FIGN: variants seen among roughly 807,000 people sequenced by gnomAD.
FIGN encodes fidgetin, microtubule severing factor, also known as fidgetin.
Under a neutral mutation model 51.3 loss-of-function variants are expected in FIGN, and 11 were observed. The observed-to-expected ratio is 0.21, with a 90% CI of 0.13 to 0.35. The LOEUF (loss-of-function observed/expected upper bound fraction) is 0.35, where lower values mean the gene tolerates loss of function less well. Ranked by LOEUF, FIGN falls within the 10% of genes least tolerant of loss-of-function variation. FIGN has a pLI of 1.00. For missense variants in FIGN, 857 were observed against 943.6 expected, an observed-to-expected ratio of 0.91 and a Z score of 1.20; for synonymous variants, 407 against 363.2, an observed-to-expected ratio of 1.12 and a Z score of -1.37.
chr2:163,699,479 T>C (rs1684374387), intron 2 of FIGN, among the ~76,000 whole-genome samples: 2 of 137,460 alleles, frequency 1.5e-5, no homozygotes, highest in Non-Finnish European at 3.1e-5. Flanking sequence ...AATTTTAGGT[T>C]AGTGTATTTT....
intron 2 of FIGN, among the ~76,000 whole-genome samples, chr2:163,676,117 T>G (rs1426009451): frequency 4.6e-5 from 7 of 151,644 alleles, no homozygotes; most frequent in Non-Finnish European, 1.0e-4. Context: ...GACTTAAGTC[T>G]GAATCCGTAA....
chr2:163,716,254 A>T (rs893810004), intron 2 of FIGN, among the ~76,000 whole-genome samples: 1 of 152,234 alleles, frequency 6.6e-6, no homozygotes, highest in Non-Finnish European at 1.5e-5. Context: ...ATCTTCCACA[A>T]GTCCAGATTA....
At chr2:163,719,512 C>T (rs1018172282) in intron 2 of FIGN, among the ~76,000 whole-genome samples, 2 of 152,188 alleles carry the variant, frequency 1.3e-5, no homozygotes, top group Non-Finnish European at 2.9e-5. Flanking sequence ...TCCAAAGGAA[C>T]GCTCTAGTGC....
At chr2:163,675,841 A>AAT (rs1369600409) in intron 2 of FIGN, among the ~76,000 whole-genome samples, 5 of 147,124 alleles carry the variant, frequency 3.4e-5, no homozygotes, top group East Asian at 2.0e-4. Context: ...CATCATATAT[A>AAT]ATATATATAT....
At chr2:163,669,821 T>C (rs531565371) in intron 2 of FIGN, among the ~76,000 whole-genome samples, 1 of 152,320 alleles carries the variant, frequency 6.6e-6, no homozygotes, top group Non-Finnish European at 1.5e-5. Flanking sequence ...ATAAAATTCT[T>C]TATTCTCTTC....
At chr2:163,697,081 A>AT (rs1217357516) in intron 2 of FIGN, among the ~76,000 whole-genome samples, 1 of 139,762 alleles carries the variant, frequency 7.2e-6, no homozygotes, top group African/African-American at 2.7e-5. Flanking sequence ...TTGTGTCATA[A>AT]TTTTTTTTCT....
chr2:163,672,794 C>T (rs1263457415), intron 2 of FIGN, among the ~76,000 whole-genome samples: 1 of 152,136 alleles, frequency 6.6e-6, no homozygotes, highest in Non-Finnish European at 1.5e-5. Flanking sequence ...GGTGCAGAGT[C>T]CTTAGTTCAG....
intron 2 of FIGN, among the ~76,000 whole-genome samples, chr2:163,705,341 A>C (rs1002991315): frequency 2.0e-5 from 3 of 152,152 alleles, no homozygotes; most frequent in Non-Finnish European, 4.4e-5. Context: ...CCATGTTCTT[A>C]AAAATTTTCA....
chr2:163,691,883 A>G (rs1461300495), intron 2 of FIGN, among the ~76,000 whole-genome samples: 1 of 152,176 alleles, frequency 6.6e-6, no homozygotes, highest in Non-Finnish European at 1.5e-5. Context: ...TCCAAAGAAA[A>G]GACAAATCCA....
intron 2 of FIGN, among the ~76,000 whole-genome samples, chr2:163,622,315 A>G (rs1573909268): frequency 6.6e-6 from 1 of 152,214 alleles, no homozygotes; most frequent in African/African-American, 2.4e-5. Context: ...AGCCTCGGCG[A>G]CACGGTAAGA....
chr2:163,617,058 C>G (rs1682890489), intron 2 of FIGN: 6 of 962,150 alleles, frequency 6.2e-6, no homozygotes, highest in Non-Finnish European at 7.4e-6. Context: ...GCCTTGTCTA[C>G]TCATCCTCAT....
chr2:163,657,959 T>C (rs1573930889), intron 2 of FIGN, among the ~76,000 whole-genome samples: 1 of 152,078 alleles, frequency 6.6e-6, no homozygotes. Flanking sequence ...AACAACACTA[T>C]TTGCCTATTC....
intron 2 of FIGN, among the ~76,000 whole-genome samples, chr2:163,708,076 T>G (rs1279774005): frequency 1.3e-5 from 2 of 152,112 alleles, no homozygotes; most frequent in Non-Finnish European, 2.9e-5. Context: ...TCAAAAAAAA[T>G]TAATTTGATG....
chr2:163,670,381 A>G (rs1300422096), intron 2 of FIGN, among the ~76,000 whole-genome samples: 1 of 152,196 alleles, frequency 6.6e-6, no homozygotes, highest in African/African-American at 2.4e-5. Context: ...CAAAATAGCT[A>G]CCCACTGGAG....
At chr2:163,641,680 T>G (rs1027477632) in intron 2 of FIGN, among the ~76,000 whole-genome samples, 3 of 152,138 alleles carry the variant, frequency 2.0e-5, no homozygotes, top group African/African-American at 7.2e-5. Context: ...AAGAAGAAAA[T>G]GAGATTGCAA....
At chr2:163,692,871 T>C (rs190684169) in intron 2 of FIGN, among the ~76,000 whole-genome samples, 175 of 152,202 alleles carry the variant, frequency 1.1e-3, no homozygotes, top group African/African-American at 4.1e-3. Flanking sequence ...CAAACACAAT[T>C]TAAGAATCTG....
At chr2:163,690,439 C>G (rs1016592831) in intron 2 of FIGN, among the ~76,000 whole-genome samples, 1 of 152,096 alleles carries the variant, frequency 6.6e-6, no homozygotes, top group Non-Finnish European at 1.5e-5. Flanking sequence ...AGCCGTAGAG[C>G]TGGGTGAGAA....
chr2:163,631,029 T>C (rs1683137510), intron 2 of FIGN, among the ~76,000 whole-genome samples: 2 of 152,218 alleles, frequency 1.3e-5, no homozygotes, highest in African/African-American at 2.4e-5. Flanking sequence ...TCTTACTTTT[T>C]TCCTTTGAGT....
At chr2:163,691,952 T>C (rs1329954932) in intron 2 of FIGN, among the ~76,000 whole-genome samples, 1 of 152,184 alleles carries the variant, frequency 6.6e-6, no homozygotes, top group Non-Finnish European at 1.5e-5. Context: ...CAGAAGCAAG[T>C]TCATCTTTAA....
Sources: gnomAD v4.1 joint callset for allele counts (sites outside exome capture counted in the v4.1 genomes callset) on GRCh38, gnomAD v4.1.1 for gene constraint, MANE v1.5 for transcripts, NCBI Gene and HGNC (gene_info 2026-07-23, HGNC 2026-07-21) for gene names.